SOX6: variants seen among roughly 807,000 people sequenced by gnomAD.
SOX6 encodes the protein SRY-box transcription factor 6, also known as transcription factor SOX-6.
Under a neutral mutation model 97.8 loss-of-function variants are expected in SOX6, and 11 were observed. That is an observed-to-expected ratio of 0.11 (90% CI 0.07 to 0.19). SOX6 has a LOEUF of 0.19. Among genes scored for constraint, SOX6 ranks in the 10% least tolerant of loss-of-function variants. The probability of loss-of-function intolerance (pLI) is 1.00; values close to 1 mark genes in which losing one functional copy is unlikely to be tolerated. For missense variants in SOX6, 810 were observed against 1,039.5 expected, an observed-to-expected ratio of 0.78 and a Z score of 3.04; for synonymous variants, 360 against 371.4, an observed-to-expected ratio of 0.97 and a Z score of 0.35.
intron 4 of SOX6, among the ~76,000 whole-genome samples, chr11:16,587,173 G>A (rs148502394): frequency 2.2e-4 from 34 of 152,276 alleles, no homozygotes; most frequent in African/African-American, 7.9e-4. Flanking sequence ...AGCTTAACTT[G>A]CATGTTACAG....
intron 4 of SOX6, among the ~76,000 whole-genome samples, chr11:16,485,330 T>C (rs1432934180): frequency 1.3e-5 from 2 of 152,072 alleles, no homozygotes; most frequent in Non-Finnish European, 2.9e-5. Flanking sequence ...TCACACCTGT[T>C]ATCCCACCAC....
intron 4 of SOX6, among the ~76,000 whole-genome samples, chr11:16,522,261 A>G (rs1339983039): frequency 6.6e-6 from 1 of 152,234 alleles, no homozygotes; most frequent in Non-Finnish European, 1.5e-5. Flanking sequence ...AGGGAAGCCC[A>G]TCAGACTAAC....
At chr11:16,041,810 A>G (rs1422635239) in intron 12 of SOX6, among the ~76,000 whole-genome samples, 2 of 152,222 alleles carry the variant, frequency 1.3e-5, no homozygotes, top group Non-Finnish European at 2.9e-5. Flanking sequence ...TCCAAAAATG[A>G]AAAAGAAATA....
rs1249640613 is a variant in SOX6 at position 16,046,567 on chromosome 11, C to A, written c.1570G>T (p.Gly524Trp). ...ATATTATTTATGGAGGACAGTTTCC[C>A]GTCAACACCATGTGGCTGTTGCTGC... The part of the protein sequence containing the change: ...QQQQQPHGVD[G>W]KLSSINNMGL... The change falls in exon 12 of 16, where the codon GGG becomes TGG. Residue 524 changes from glycine (G) to tryptophan (W), a missense_variant. Coordinates refer to ENST00000683767, the MANE Select transcript of SOX6 (RefSeq NM_001367873.1). 1 of 1,613,742 alleles carries A rather than the reference C, an allele frequency of 6.2e-7. No individual in the cohort carries two copies.
rs775201244 is a variant in SOX6, at chr11:16,111,848, C to CAGA, written c.852_853insTCT (p.Ala284_Ala285insSer). The CAGA allele has an allele frequency of 6.2e-7, 1 of 1,612,860 alleles. No individual in the cohort carries two copies. Among genetic ancestry groups the CAGA allele is most frequent in the Non-Finnish European group, 8.5e-7 (1 of 1,179,864 alleles). On this transcript the variant is annotated inframe_insertion, in exon 7 of 16. Coordinates refer to ENST00000683767, the MANE Select transcript of SOX6 (RefSeq NM_001367873.1). ...GGGGGGAAGAGGAATCCCTGTTGGG[C>CAGA]AGCAGCAGCTGCTGCCAGAGTCCGC...
intron 6 of SOX6, among the ~76,000 whole-genome samples, chr11:16,142,069 T>G (rs544102776): frequency 1.1e-3 from 174 of 152,294 alleles, no homozygotes; most frequent in African/African-American, 3.8e-3. Context: ...AGTGGATCCC[T>G]GACCCCCGAG....
rs546064734 is a variant in SOX6 at position 16,023,156 on chromosome 11, T to A, written c.1624-8106A>T. 5 of 152,222 alleles carry A rather than the reference T, an allele frequency of 3.3e-5. No individual in the cohort carries two copies. The South Asian group carries it at 1.0e-3, about 32-fold the overall frequency. 9.4% of individuals were successfully genotyped at this position (152,222 alleles called of 1,614,324 possible). ...CACCAGCCCTGGGAAGAATCTATCA[T>A]CCCCTTTCCTCTAACACCCCTAACC... is the stretch of plus-strand genomic sequence containing the variant. On this transcript the variant is annotated intron_variant, in intron 12 of 15. Transcript: ENST00000683767.
chr11:16,662,278 C>T (rs12418941), intron 3 of SOX6, among the ~76,000 whole-genome samples: 24,759 of 151,992 alleles, frequency 0.16, 2,663 homozygotes, highest in East Asian at 0.32. Context: ...ATAATTTTGC[C>T]GGATAAAGAA....
At chr11:16,403,535 G>A (rs1038329517) in intron 1 of SOX6, among the ~76,000 whole-genome samples, 2 of 151,590 alleles carry the variant, frequency 1.3e-5, no homozygotes, top group African/African-American at 4.8e-5. Context: ...GGATTTGTTC[G>A]TGACCCCTGA....
intron 7 of SOX6, among the ~76,000 whole-genome samples, chr11:16,107,329 G>A (rs1849112461): frequency 2.0e-5 from 3 of 148,972 alleles, no homozygotes; most frequent in African/African-American, 7.4e-5. Flanking sequence ...CCAAAAGGTA[G>A]AAACAAACTA....
At chr11:16,448,300 G>A (rs148229243) in intron 1 of SOX6, among the ~76,000 whole-genome samples, 2 of 152,222 alleles carry the variant, frequency 1.3e-5, no homozygotes, top group East Asian at 3.9e-4. Context: ...TACACTTTGA[G>A]CTCATGTGTT....
chr11:16,277,468 T>A (rs562453652), intron 3 of SOX6, among the ~76,000 whole-genome samples: 141 of 152,292 alleles, frequency 9.3e-4, no homozygotes, highest in African/African-American at 3.2e-3. Context: ...GTTTAAGCCA[T>A]CCTGTCTGTG....
Position 15,972,726 on chromosome 11 carries a change from A to G in SOX6, c.*83T>C. On this transcript the variant is annotated 3_prime_UTR_variant, in exon 16 of 16. Coordinates refer to ENST00000683767, the MANE Select transcript of SOX6 (RefSeq NM_001367873.1). ...CTGCTGATGTAATTGTGGAGCCACAAATGCATGCGGGCTCTTTAATAACTC... is the reference window on the plus strand; with the variant it reads ...CTGCTGATGTAATTGTGGAGCCACAGATGCATGCGGGCTCTTTAATAACTC... 6 of 1,430,916 alleles carry G rather than the reference A, an allele frequency of 4.2e-6. No individual in the cohort carries two copies. Among genetic ancestry groups the G allele is most frequent in the Non-Finnish European group, 5.9e-6 (6 of 1,016,564 alleles). 88.6% of individuals were successfully genotyped at this position (1,430,916 alleles called of 1,614,324 possible).
rs753965118 is a variant in SOX6 at position 16,715,243 on chromosome 11, CATT to C, written n.354-341_354-339del. Among the ~76,000 whole-genome samples the C allele has an allele frequency of 2.0e-5, 3 of 152,180 alleles. No homozygotes were observed. In the East Asian group the frequency reaches 5.8e-4, roughly 29 times the overall value. ...GAATAAAAGAATCTAAAATATCTCT[CATT>C]AGTAATTTTTACAATTACATATTGA... is the stretch of plus-strand genomic sequence containing the variant. On this transcript the variant is annotated intron_variant and non_coding_transcript_variant, in intron 2 of 5. Transcript: ENST00000524520.
chr11:16,456,960 T>G (rs1005845214), intron 1 of SOX6, among the ~76,000 whole-genome samples: 4 of 152,120 alleles, frequency 2.6e-5, no homozygotes, highest in African/African-American at 9.7e-5. Flanking sequence ...ATCAAAGGTT[T>G]TTAAACTTTA....
At chr11:15,998,116 T>TAAAAA (rs1413955183) in intron 13 of SOX6, among the ~76,000 whole-genome samples, 1 of 150,590 alleles carries the variant, frequency 6.6e-6, no homozygotes, top group East Asian at 1.9e-4. Context: ...TAAAATAAAA[T>TAAAAA]AAAAAATAAA....
chr11:16,229,705 A>C (rs2030291), intron 4 of SOX6, among the ~76,000 whole-genome samples: 26 of 151,600 alleles, frequency 1.7e-4, no homozygotes, highest in Admixed American at 7.9e-4. Flanking sequence ...TTAAAAATTA[A>C]TTAGGAAAAC....
intron 12 of SOX6, among the ~76,000 whole-genome samples, chr11:16,027,545 G>C (rs1286568937): frequency 6.6e-6 from 1 of 152,158 alleles, no homozygotes; most frequent in Non-Finnish European, 1.5e-5. Flanking sequence ...AAATGAGTCA[G>C]GCTCAGTTCA....
At chr11:16,641,215 A>G (rs10832661) in intron 3 of SOX6, among the ~76,000 whole-genome samples, 149,121 of 152,260 alleles carry the variant, frequency 0.98, 73,109 homozygotes, top group East Asian at 1. Context: ...GTAGTTAAGC[A>G]GTTTTGAGTG....
Sources: gnomAD v4.1 joint callset for allele counts (sites outside exome capture counted in the v4.1 genomes callset) on GRCh38, gnomAD v4.1.1 for gene constraint, MANE v1.5 for transcripts, NCBI Gene and HGNC (gene_info 2026-07-23, HGNC 2026-07-21) for gene names.